Variants in SLC38A1 observed in about 807,000 individuals in gnomAD.
SLC38A1 encodes sodium-coupled neutral amino acid symporter 1.
A neutral mutation model predicts 60.3 loss-of-function variants in SLC38A1; 18 were observed. The observed-to-expected ratio is 0.30, with a 90% CI of 0.21 to 0.44. The LOEUF (loss-of-function observed/expected upper bound fraction) is 0.44. Ranked by LOEUF, SLC38A1 falls within the 20% of genes least tolerant of loss-of-function variation. SLC38A1 has a pLI of 1.00. For synonymous variants in SLC38A1, 196 were observed against 212.1 expected, an observed-to-expected ratio of 0.92 and a Z score of 0.66; for missense variants, 448 against 587.2, an observed-to-expected ratio of 0.76 and a Z score of 2.45.
intron 16 of SLC38A1, among the ~76,000 whole-genome samples, chr12:46,196,623 G>A (rs1028419298): frequency 6.6e-6 from 1 of 152,184 alleles, no homozygotes; most frequent in Non-Finnish European, 1.5e-5. Flanking sequence ...TGCTCTACTA[G>A]CATCAGTGCT....
At position 46,197,819 on chromosome 12, in the gene SLC38A1, T is replaced by C; in HGVS notation, c.1265-2A>G. 6.3e-7 allele frequency: 1 copy of C among 1,598,018 alleles called. No individual in the cohort carries two copies. The highest frequency in any genetic ancestry group is 8.5e-7 in the Non-Finnish European group (1 of 1,173,970). On this transcript the variant is annotated splice_acceptor_variant, in intron 15 of 16. Transcript: ENST00000398637. LOFTEE classifies it high-confidence loss of function. ...TAAGCATGTTAGCAGATGTAACTCC[T>C]GTAAAATAAGACAAAAGAGAAAGTT... is the stretch of plus-strand genomic sequence containing the variant.
chr12:46,233,013 TTTA>T (rs577935609), intron 3 of SLC38A1, among the ~76,000 whole-genome samples: 1 of 152,006 alleles, frequency 6.6e-6, no homozygotes, highest in Admixed American at 6.6e-5. Context: ...TCAAGCTAAT[TTTA>T]TTATTATTAT....
At chr12:46,215,485 C>G (rs890348451) in intron 5 of SLC38A1, among the ~76,000 whole-genome samples, 2 of 152,012 alleles carry the variant, frequency 1.3e-5, no homozygotes, top group African/African-American at 4.8e-5. Flanking sequence ...AATCTTGGCT[C>G]ACTGCAACCT....
Position 46,247,945 on chromosome 12 carries a change from A to C in SLC38A1, c.-208-4631T>G, listed in dbSNP as rs1213638476. Among the ~76,000 whole-genome samples the C allele has an allele frequency of 2.0e-5, 3 of 152,314 alleles. No individual in the cohort carries two copies. The East Asian group carries it at 5.8e-4, about 29-fold the overall frequency. ...ATATCCAGCGAAACTAAGCTTCATA[A>C]GTGAAGGAGAAATAAAATCCTTTAC... On this transcript the variant is annotated intron_variant, in intron 1 of 16. Coordinates refer to ENST00000398637, the MANE Select transcript of SLC38A1 (RefSeq NM_030674.4).
At chr12:46,208,131 A>G (rs1365269836) in intron 6 of SLC38A1, among the ~76,000 whole-genome samples, 1 of 152,234 alleles carries the variant, frequency 6.6e-6, no homozygotes, top group Non-Finnish European at 1.5e-5. Context: ...TTTAATAGCC[A>G]CGACATACAA....
At chr12:46,246,525 C>A (rs1037761059) in intron 1 of SLC38A1, among the ~76,000 whole-genome samples, 1 of 152,240 alleles carries the variant, frequency 6.6e-6, no homozygotes, top group African/African-American at 2.4e-5. Flanking sequence ...TGGGTGGAGC[C>A]CACCACAGCG....
chr12:46,203,574 C>T (rs1383416710), intron 11 of SLC38A1, among the ~76,000 whole-genome samples: 2 of 152,212 alleles, frequency 1.3e-5, no homozygotes, highest in Non-Finnish European at 2.9e-5. Context: ...AAAAGAAAAT[C>T]TGTTCCATAT....
At chr12:46,190,192 G>T (rs796388712) in intron 16 of SLC38A1, among the ~76,000 whole-genome samples, 3 of 152,106 alleles carry the variant, frequency 2.0e-5, no homozygotes, top group Non-Finnish European at 2.9e-5. Flanking sequence ...GCAGTGTTTG[G>T]TTTTTTGTCC....
chr12:46,233,636 A>T (rs1941155818), intron 3 of SLC38A1, among the ~76,000 whole-genome samples: 1 of 152,188 alleles, frequency 6.6e-6, no homozygotes, highest in Non-Finnish European at 1.5e-5. Flanking sequence ...GAAGCAGATA[A>T]AGAATAAGTC....
intron 5 of SLC38A1, among the ~76,000 whole-genome samples, chr12:46,215,598 G>A (rs1176216541): frequency 6.6e-6 from 1 of 151,910 alleles, no homozygotes; most frequent in African/African-American, 2.4e-5. Context: ...TAGTAGAGAC[G>A]GGTTTCACCA....
chr12:46,253,373 G>A (rs780383968), intron 1 of SLC38A1, among the ~76,000 whole-genome samples: 2 of 152,190 alleles, frequency 1.3e-5, no homozygotes, highest in Admixed American at 6.5e-5. Context: ...AGGGCTGCTG[G>A]TTGCCCATTT....
rs1444857496 is a variant in SLC38A1, at chr12:46,187,811, G to A, written c.*1159C>T. ...TTTTTTTTTTTTTTTCACAAGACTA[G>A]ATGGAGAATTAATGAAGAAGAAATA... On this transcript the variant is annotated 3_prime_UTR_variant, in exon 17 of 17. Transcript: ENST00000398637. 1 of 145,874 alleles carries A rather than the reference G, an allele frequency of 6.9e-6. No homozygotes were observed. The highest frequency in any genetic ancestry group is 2.0e-4 in the East Asian group (1 of 4,964). 9.0% of individuals were successfully genotyped at this position (145,874 alleles called of 1,614,324 possible). A position where few individuals can be genotyped will look rare whatever the true frequency, so the allele number is the denominator to read the frequency against.
rs1939501789 is a variant in SLC38A1 at position 46,198,715 on chromosome 12, T to C, written c.1032A>G (p.Lys344=). ...TGAGAATGTCATCTTTACTCTGATA[T>C]TTGTGAAGGAGGTCGGACTGCACGT... ...YDNVQSDLLH[K]YQSKDDILIL... The change falls in exon 14 of 17, where the codon AAA becomes AAG. Residue 344 remains lysine (K), a synonymous_variant. Transcript: ENST00000398637. 1.2e-6 allele frequency: 2 copies of C among 1,612,494 alleles called. No homozygotes were observed. The highest frequency in any genetic ancestry group is 8.5e-7 in the Non-Finnish European group (1 of 1,179,422).
intron 5 of SLC38A1, among the ~76,000 whole-genome samples, chr12:46,223,310 A>T (rs1184555802): frequency 1.3e-5 from 2 of 152,218 alleles, no homozygotes; most frequent in Non-Finnish European, 2.9e-5. Context: ...ATAGTGTAGC[A>T]TATATAGATA....
intron 3 of SLC38A1, among the ~76,000 whole-genome samples, chr12:46,232,592 C>G (rs1941117559): frequency 6.6e-6 from 1 of 152,178 alleles, no homozygotes; most frequent in African/African-American, 2.4e-5. Context: ...ACACAGGCTG[C>G]CCTAAGAAAA....
chr12:46,186,360 T>C lies in SLC38A1; in HGVS notation c.*2610A>G, dbSNP rs2136804739. The C allele has an allele frequency of 6.6e-6, 1 of 152,346 alleles. No homozygotes were observed. The highest frequency in any genetic ancestry group is 3.4e-3 in the Middle Eastern group (1 of 294). 9.4% of individuals were successfully genotyped at this position (152,346 alleles called of 1,614,324 possible). A position where few individuals can be genotyped will look rare whatever the true frequency, so the allele number is the denominator to read the frequency against. On this transcript the variant is annotated 3_prime_UTR_variant, in exon 17 of 17. Coordinates refer to ENST00000398637, the MANE Select transcript of SLC38A1 (RefSeq NM_030674.4). ...TGTTCACTAGTATAGAGATCCTACCTACCAAAGGAAAACGTGCTGCTCCCC... is the reference window on the plus strand; with the variant it reads ...TGTTCACTAGTATAGAGATCCTACCCACCAAAGGAAAACGTGCTGCTCCCC...
intron 14 of SLC38A1, 76 bp from the exon 15 acceptor site, chr12:46,198,136 A>T: frequency 6.9e-7 from 1 of 1,455,902 alleles, no homozygotes; most frequent in Non-Finnish European, 9.4e-7. Context: ...AGAGTAACTG[A>T]TTTATTGGTG....
At chr12:46,204,780 C>A (rs557212254) in intron 9 of SLC38A1, among the ~76,000 whole-genome samples, 190 bp from the exon 10 acceptor site, 1 of 152,130 alleles carries the variant, frequency 6.6e-6, no homozygotes. Context: ...TATTATTTGA[C>A]AGTGCTACTT....
chr12:46,243,098 A>C lies in SLC38A1; in HGVS notation c.-94+102T>G, dbSNP rs532147267. 51 of 151,624 alleles carry C rather than the reference A, an allele frequency of 3.4e-4. No individual in the cohort carries two copies. In the South Asian group the frequency reaches 0.01, roughly 30 times the overall value. The allele number at this position is 151,624 out of a possible 1,614,324, so 9.4% of individuals were successfully genotyped here. Reference sequence around the variant, plus strand: ...TTATTAATAAATACTAATTTATTAAAAAATAAATGAATTAATTAATTAACT... The same window carrying C: ...TTATTAATAAATACTAATTTATTAACAAATAAATGAATTAATTAATTAACT... On this transcript the variant is annotated intron_variant, in intron 2 of 16. Coordinates refer to ENST00000398637, the MANE Select transcript of SLC38A1 (RefSeq NM_030674.4).
Sources: allele counts gnomAD v4.1 joint callset (sites outside exome capture counted in the v4.1 genomes callset), GRCh38; gene constraint gnomAD v4.1.1; transcripts MANE v1.5; gene names NCBI Gene and HGNC (gene_info 2026-07-23, HGNC 2026-07-21).